Variants in TBC1D19 observed in about 807,000 individuals in gnomAD.
The protein encoded by TBC1D19 is TBC1 domain family member 19.
Under a neutral mutation model 89.0 loss-of-function variants are expected in TBC1D19, and 60 were observed. The ratio of observed to expected loss-of-function variants is 0.67; its 90% CI spans 0.55 to 0.84. The LOEUF (loss-of-function observed/expected upper bound fraction) is 0.84, where lower values mean the gene tolerates loss of function less well. Among genes scored for constraint, TBC1D19 ranks in the 40% least tolerant of loss-of-function variants. The probability of loss-of-function intolerance (pLI) is 0.00; values close to 1 mark genes in which losing one functional copy is unlikely to be tolerated. For missense variants in TBC1D19, 500 were observed against 610.8 expected (o/e 0.82, Z 1.91); for synonymous variants, 189 against 199.7 (o/e 0.95, Z 0.45).
chr4:26,785,408 C>T, the TBC1D19 span, among the ~76,000 whole-genome samples: 2 of 152,146 alleles, frequency 1.3e-5, no homozygotes, highest in African/African-American at 4.8e-5. Context: ...GTTGTTTTGG[C>T]AGGATGAAGT....
chr4:26,614,071 T>G (rs1276013764), intron 2 of TBC1D19, among the ~76,000 whole-genome samples: 1 of 152,214 alleles, frequency 6.6e-6, no homozygotes, highest in Non-Finnish European at 1.5e-5. Context: ...GGCACATTCC[T>G]TATAGCTTTA....
rs924502096 is a variant in TBC1D19, at chr4:26,673,643, G to C, written c.704-133G>C. 6.1e-6 allele frequency: 4 copies of C among 657,232 alleles called. No individual in the cohort carries two copies. The African/African-American group carries it at 7.5e-5, about 12-fold the overall frequency. The allele number at this position is 657,232 out of a possible 1,614,324, so 40.7% of individuals were successfully genotyped here. ...GAAATCCAGAGAATAAATTTTAAAA[G>C]GTAAAGATACGGTGTAATTATGTTA... On this transcript the variant is annotated intron_variant, in intron 10 of 20. Transcript: ENST00000264866.
chr4:26,693,559 G>C (rs183298637), intron 13 of TBC1D19, among the ~76,000 whole-genome samples: 1 of 152,168 alleles, frequency 6.6e-6, no homozygotes, highest in African/African-American at 2.4e-5. Flanking sequence ...GCTGGGTGTA[G>C]TGGCATGCAC....
In TBC1D19 at chr4:26,688,420, AT is replaced by A; in HGVS notation, c.954+14del. ...TTATTTATATCAGGTAAGTTTAAAA[AT>A]AAAAATACATAGTGTTCTTGTTTTA... On this transcript the variant is annotated intron_variant, in intron 13 of 20. Coordinates refer to ENST00000264866, the MANE Select transcript of TBC1D19 (RefSeq NM_018317.4). 6.5e-7 allele frequency: 1 copy of A among 1,541,512 alleles called. No homozygotes were observed. The highest frequency in any genetic ancestry group is 8.8e-7 in the Non-Finnish European group (1 of 1,140,100).
chr4:26,635,044 G>A (rs181745213), intron 4 of TBC1D19, among the ~76,000 whole-genome samples: 1 of 152,148 alleles, frequency 6.6e-6, no homozygotes, highest in East Asian at 1.9e-4. Flanking sequence ...ATGAGTGATT[G>A]AAAATGAGAA....
intron 13 of TBC1D19, among the ~76,000 whole-genome samples, chr4:26,694,031 G>A (rs1205203281): frequency 1.3e-5 from 2 of 152,044 alleles, no homozygotes; most frequent in Admixed American, 1.3e-4. Flanking sequence ...ACCTCACTGG[G>A]GCTCGTCGAA....
intron 15 of TBC1D19, among the ~76,000 whole-genome samples, chr4:26,731,791 G>A (rs1162562071): frequency 6.6e-6 from 1 of 152,104 alleles, no homozygotes; most frequent in African/African-American, 2.4e-5. Context: ...GTTTGACTGT[G>A]AGGCCATTAA....
chr4:26,848,498 T>A, the TBC1D19 span, among the ~76,000 whole-genome samples: 1 of 152,356 alleles, frequency 6.6e-6, no homozygotes, highest in South Asian at 2.1e-4. Context: ...TCTTCTTTTT[T>A]ATTCTTCACT....
chr4:26,832,209 A>C, the TBC1D19 span, among the ~76,000 whole-genome samples: 1 of 152,204 alleles, frequency 6.6e-6, no homozygotes, highest in African/African-American at 2.4e-5. Context: ...AACTCAAGGA[A>C]ATCAGATTTT....
At chr4:26,709,647 GC>G (rs748739447) in intron 13 of TBC1D19, among the ~76,000 whole-genome samples, 20 of 151,960 alleles carry the variant, frequency 1.3e-4, no homozygotes, top group Non-Finnish European at 2.4e-4. Flanking sequence ...ATGCATATAT[GC>G]GGCTATGCTA....
chr4:26,599,128 A>G (rs1740432061), intron 1 of TBC1D19, among the ~76,000 whole-genome samples: 1 of 152,176 alleles, frequency 6.6e-6, no homozygotes, highest in Non-Finnish European at 1.5e-5. Flanking sequence ...ATAGATTCAT[A>G]CTTTAAAAGA....
At chr4:26,576,727 C>G (rs1457188695) in exon 1 of TBC1D19, 6 of 456,020 alleles carry the variant, frequency 1.3e-5, no homozygotes, top group African/African-American at 1.2e-4. Context: ...GGGCAGAGAG[C>G]CACAGAGCCA....
At chr4:26,761,296 T>C in the TBC1D19 span, among the ~76,000 whole-genome samples, 6 of 152,222 alleles carry the variant, frequency 3.9e-5, no homozygotes, top group Non-Finnish European at 7.3e-5. Flanking sequence ...CTGGAAATAA[T>C]TGATATCATT....
chr4:26,694,168 C>T (rs560396268), intron 13 of TBC1D19, among the ~76,000 whole-genome samples: 43 of 152,206 alleles, frequency 2.8e-4, no homozygotes, highest in African/African-American at 7.2e-4. Flanking sequence ...GGGTGACAGA[C>T]GGCACCTGGA....
At chr4:26,635,627 C>G (rs574688199) in intron 4 of TBC1D19, among the ~76,000 whole-genome samples, 2 of 152,080 alleles carry the variant, frequency 1.3e-5, no homozygotes, top group South Asian at 4.2e-4. Context: ...TGGGCCATTG[C>G]ATTAAAATTT....
At chr4:26,781,920 C>A in the TBC1D19 span, among the ~76,000 whole-genome samples, 1 of 102,480 alleles carries the variant, frequency 9.8e-6, no homozygotes, top group Non-Finnish European at 2.0e-5. Flanking sequence ...TTCCATGTTA[C>A]ATTGATATCT....
chr4:26,743,956 A>G (rs1718510736), intron 18 of TBC1D19, among the ~76,000 whole-genome samples: 1 of 151,646 alleles, frequency 6.6e-6, no homozygotes, highest in African/African-American at 2.4e-5. Context: ...GACATGATAA[A>G]CATTAAAATT....
chr4:26,697,782 G>T (rs150672315), intron 13 of TBC1D19, among the ~76,000 whole-genome samples: 1 of 152,140 alleles, frequency 6.6e-6, no homozygotes, highest in Non-Finnish European at 1.5e-5. Flanking sequence ...CTCAATAGAT[G>T]CAGGAAAGGC....
At position 26,666,402 on chromosome 4, in the gene TBC1D19, C is replaced by T. The variant is rs909639466; in HGVS notation, c.661C>T (p.Pro221Ser). The change falls in exon 9 of 21, where the codon CCT becomes TCT. Residue 221 changes from proline to serine, a missense_variant. By Grantham distance (74) the Pro-to-Ser change is moderately conservative. Coordinates refer to ENST00000264866, the MANE Select transcript of TBC1D19 (RefSeq NM_018317.4). The part of the protein sequence containing the change: ...LGIDDSTQVP[P>S]ELFENEHVRI... ...TATAGATGATTCTACACAAGTGCCT[C>T]CTGGTTAGTATTTTTCCAACGGCAT... The T allele has an allele frequency of 1.9e-6, 3 of 1,607,396 alleles. No individual in the cohort carries two copies. Among genetic ancestry groups the T allele is most frequent in the Non-Finnish European group, 2.6e-6 (3 of 1,176,022 alleles).
Sources: gnomAD v4.1 joint callset for allele counts (sites outside exome capture counted in the v4.1 genomes callset) on GRCh38, gnomAD v4.1.1 for gene constraint, MANE v1.5 for transcripts, NCBI Gene and HGNC (gene_info 2026-07-23, HGNC 2026-07-21) for gene names.